Variants in ADGRL2 observed in about 807,000 individuals in gnomAD.
The protein encoded by ADGRL2 is calcium-independent alpha-latrotoxin receptor 2.
Under a neutral mutation model 157.4 loss-of-function variants are expected in ADGRL2, and 44 were observed. The observed-to-expected ratio is 0.28, with a 90% CI of 0.22 to 0.36. ADGRL2 has a LOEUF of 0.36. ADGRL2 is among the 10% of genes least tolerant of loss of function. The probability of loss-of-function intolerance (pLI) is 1.00; values close to 1 mark genes in which losing one functional copy is unlikely to be tolerated. For missense variants in ADGRL2, 1,510 were observed against 1,768.9 expected, an observed-to-expected ratio of 0.85 and a Z score of 2.63; for synonymous variants, 585 against 624.7, an observed-to-expected ratio of 0.94 and a Z score of 0.95.
At chr1:81,502,791 C>G (rs2078882477) in intron 2 of ADGRL2, 3 of 1,613,006 alleles carry the variant, frequency 1.9e-6, no homozygotes, top group Non-Finnish European at 2.5e-6. Flanking sequence ...GCTCCTCCCT[C>G]TTTGGCTACT....
At chr1:81,659,370 A>AT (rs1432494227) in intron 3 of ADGRL2, among the ~76,000 whole-genome samples, 1 of 152,050 alleles carries the variant, frequency 6.6e-6, no homozygotes, top group Non-Finnish European at 1.5e-5. Flanking sequence ...CCCTAGTTAC[A>AT]TTTTTGAGGA....
intron 1 of ADGRL2, among the ~76,000 whole-genome samples, chr1:81,398,441 T>C (rs2076694684): frequency 6.6e-6 from 1 of 152,152 alleles, no homozygotes; most frequent in African/African-American, 2.4e-5. Flanking sequence ...AAGTATTTGA[T>C]TCTTTTCTCT....
intron 2 of ADGRL2, among the ~76,000 whole-genome samples, chr1:81,901,616 G>C (rs897216072): frequency 5.9e-5 from 9 of 151,658 alleles, no homozygotes; most frequent in African/African-American, 2.2e-4. Context: ...CCGTGAGTCA[G>C]TATTCTAGAT....
At chr1:81,491,870 A>G (rs185088961) in intron 2 of ADGRL2, among the ~76,000 whole-genome samples, 87 of 152,258 alleles carry the variant, frequency 5.7e-4, no homozygotes, top group Admixed American at 1.2e-3. Context: ...CCTTGTAAAC[A>G]GGGTTGTCCA....
chr1:81,593,024 A>T lies in ADGRL2; in HGVS notation c.-143+12044A>T, dbSNP rs80166459. ...CTAGAAGCATTTTCATTAATTTCTA[A>T]GGAATAGAAATAGGATGGTCAAAAT... On this transcript the variant is annotated intron_variant, in intron 3 of 24. Transcript: ENST00000370721. Among the ~76,000 whole-genome samples, 227 of 152,288 alleles carry T rather than the reference A, an allele frequency of 1.5e-3. 1 individual carries two copies. The East Asian group carries it at 0.025, about 17-fold the overall frequency.
intron 3 of ADGRL2, among the ~76,000 whole-genome samples, chr1:81,592,427 T>C (rs969209541): frequency 1.3e-5 from 2 of 152,198 alleles, no homozygotes; most frequent in African/African-American, 4.8e-5. Flanking sequence ...TGATCTTATC[T>C]TAACAATTTC....
At chr1:81,328,082 G>A (rs753284632) in intron 1 of ADGRL2, among the ~76,000 whole-genome samples, 2 of 152,046 alleles carry the variant, frequency 1.3e-5, no homozygotes, top group East Asian at 1.9e-4. Flanking sequence ...AGAAGAACAC[G>A]ACTACACTGC....
intron 3 of ADGRL2, among the ~76,000 whole-genome samples, chr1:81,916,371 T>TAAGAA (rs1452272615): frequency 6.6e-6 from 1 of 152,158 alleles, no homozygotes; most frequent in Non-Finnish European, 1.5e-5. Flanking sequence ...TTTGAACAGA[T>TAAGAA]AAGAATAGAT....
intron 2 of ADGRL2, among the ~76,000 whole-genome samples, chr1:81,863,971 A>G (rs2093461988): frequency 6.6e-6 from 1 of 152,078 alleles, no homozygotes; most frequent in Non-Finnish European, 1.5e-5. Flanking sequence ...AATAATTACA[A>G]TTTTCTGATA....
At chr1:81,732,911 G>A (rs748799319) in intron 1 of ADGRL2, among the ~76,000 whole-genome samples, 2 of 152,054 alleles carry the variant, frequency 1.3e-5, no homozygotes, top group Non-Finnish European at 2.9e-5. Context: ...ACAAGCTTAT[G>A]ATAAGGGTTT....
intron 3 of ADGRL2, chr1:81,588,261 G>A (rs1371128018): frequency 6.6e-6 from 1 of 152,200 alleles, no homozygotes; most frequent in Non-Finnish European, 1.5e-5. Context: ...TCTTTGGGAA[G>A]GAGAGAGCTA....
At chr1:81,829,347 G>T (rs1206447398) in intron 1 of ADGRL2, among the ~76,000 whole-genome samples, 2 of 152,082 alleles carry the variant, frequency 1.3e-5, no homozygotes, top group African/African-American at 4.8e-5. Flanking sequence ...GAAATAATTG[G>T]TATATTCCTT....
intron 11 of ADGRL2, 63 bp from the exon 12 acceptor site, chr1:81,965,995 C>G: frequency 2.0e-6 from 3 of 1,514,636 alleles, no homozygotes; most frequent in Non-Finnish European, 1.8e-6. Context: ...TATCATTTGC[C>G]TCCTTAGTTA....
chr1:81,920,167 G>A lies in ADGRL2; in HGVS notation c.287+12937G>A, dbSNP rs185178467. Among the ~76,000 whole-genome samples the A allele has an allele frequency of 2.7e-3, 418 of 152,126 alleles. 1 individual carries two copies. Among genetic ancestry groups the A allele is most frequent in the African/African-American group, 9.9e-3 (410 of 41,510 alleles). On this transcript the variant is annotated intron_variant, in intron 3 of 23. Coordinates refer to ENST00000686636, the MANE Select transcript of ADGRL2 (RefSeq NM_001366006.2). ...GTAGCTGTGGAATTAATAGTAATGC[G>A]GTTTCCTATGTGGGCCAATTAAAAG...
intron 2 of ADGRL2, among the ~76,000 whole-genome samples, chr1:81,511,592 A>G (rs918662866): frequency 9.2e-5 from 14 of 152,078 alleles, no homozygotes; most frequent in African/African-American, 2.9e-4. Context: ...AGGGGGAAAG[A>G]AGTGGCCAAA....
chr1:81,461,517 C>T (rs2077928010), intron 2 of ADGRL2, among the ~76,000 whole-genome samples: 1 of 152,040 alleles, frequency 6.6e-6, no homozygotes, highest in Non-Finnish European at 1.5e-5. Flanking sequence ...GTTAACTGTC[C>T]ATTTATTGCA....
intron 2 of ADGRL2, among the ~76,000 whole-genome samples, chr1:81,852,865 AAATT>A (rs2093063685): frequency 6.6e-6 from 1 of 152,154 alleles, no homozygotes; most frequent in Non-Finnish European, 1.5e-5. Flanking sequence ...TAGCTTTATT[AAATT>A]ATTTTTTAAC....
Position 81,533,036 on chromosome 1 carries a change from C to T in ADGRL2, c.-247-47840C>T, listed in dbSNP as rs1010387365. Among the ~76,000 whole-genome samples the T allele has an allele frequency of 3.3e-5, 5 of 152,056 alleles. No homozygotes were observed. In the South Asian group the frequency reaches 8.3e-4, roughly 25 times the overall value. On this transcript the variant is annotated intron_variant, in intron 2 of 24. Coordinates refer to the ADGRL2 transcript ENST00000370721. ...ACATACTTCTGTACTGTAACAATTA[C>T]TAACTAAAGAGTGGTTAGAATTTTA...
intron 1 of ADGRL2, among the ~76,000 whole-genome samples, chr1:81,835,414 T>C (rs1451207619): frequency 1.3e-5 from 2 of 152,156 alleles, no homozygotes; most frequent in African/African-American, 4.8e-5. Context: ...TAAAATGCTT[T>C]ATGTAGAATA....
Sources: allele counts gnomAD v4.1 joint callset (sites outside exome capture counted in the v4.1 genomes callset), GRCh38; gene constraint gnomAD v4.1.1; transcripts MANE v1.5; gene names NCBI Gene and HGNC (gene_info 2026-07-23, HGNC 2026-07-21).